Variants in SPOCK1 observed in about 807,000 individuals in gnomAD.
SPOCK1 encodes testican-1.
Under a neutral mutation model 55.3 loss-of-function variants are expected in SPOCK1, and 23 were observed. The ratio of observed to expected loss-of-function variants is 0.42; its 90% CI spans 0.30 to 0.59. The LOEUF is 0.59. SPOCK1 is among the 20% of genes least tolerant of loss of function. The probability of loss-of-function intolerance (pLI) is 0.22; values close to 1 mark genes in which losing one functional copy is unlikely to be tolerated. For missense variants in SPOCK1, 499 were observed against 552.5 expected (o/e 0.90, Z 0.97); for synonymous variants, 226 against 221.0 (o/e 1.02, Z -0.20).
At chr5:137,018,993 A>G (rs916244757) in intron 6 of SPOCK1, among the ~76,000 whole-genome samples, 5 of 152,128 alleles carry the variant, frequency 3.3e-5, no homozygotes, top group Admixed American at 1.3e-4. Flanking sequence ...GCCAATAAAT[A>G]CACACACATA....
chr5:137,469,559 T>C (rs996343204), intron 2 of SPOCK1, among the ~76,000 whole-genome samples: 7 of 152,198 alleles, frequency 4.6e-5, no homozygotes, highest in Non-Finnish European at 8.8e-5. Context: ...TAAATAGGTT[T>C]CTTTAACTAT....
At chr5:137,471,834 G>C (rs896363605) in intron 2 of SPOCK1, among the ~76,000 whole-genome samples, 1 of 152,112 alleles carries the variant, frequency 6.6e-6, no homozygotes, top group Non-Finnish European at 1.5e-5. Context: ...AGGGAAATAA[G>C]AGGCTGAGAA....
chr5:137,374,671 C>T (rs535114951), intron 2 of SPOCK1, among the ~76,000 whole-genome samples: 1 of 152,286 alleles, frequency 6.6e-6, no homozygotes, highest in East Asian at 1.9e-4. Flanking sequence ...GTGATGACAG[C>T]GGCGCTCACC....
intron 9 of SPOCK1, among the ~76,000 whole-genome samples, chr5:136,980,185 A>AAG (rs980335292): frequency 2.7e-5 from 4 of 148,826 alleles, no homozygotes; most frequent in African/African-American, 9.8e-5. Context: ...TGCAGGCAAA[A>AAG]AAAAAAAAAA....
At chr5:137,460,243 CT>C (rs1753453659) in intron 2 of SPOCK1, among the ~76,000 whole-genome samples, 1 of 152,110 alleles carries the variant, frequency 6.6e-6, no homozygotes, top group Non-Finnish European at 1.5e-5. Context: ...CTCAAGAAGT[CT>C]GGGAGATCTG....
chr5:137,260,931 T>G (rs180697048), intron 3 of SPOCK1, among the ~76,000 whole-genome samples: 1 of 152,146 alleles, frequency 6.6e-6, no homozygotes, highest in African/African-American at 2.4e-5. Flanking sequence ...GTGAATAAGA[T>G]GAGTAGTTGC....
intron 6 of SPOCK1, among the ~76,000 whole-genome samples, chr5:137,010,707 T>C (rs1335689568): frequency 6.6e-6 from 1 of 152,120 alleles, no homozygotes; most frequent in Non-Finnish European, 1.5e-5. Flanking sequence ...TGCTGACTAA[T>C]TTATGAAAAA....
intron 2 of SPOCK1, among the ~76,000 whole-genome samples, chr5:137,368,357 G>A (rs1205460712): frequency 6.6e-6 from 1 of 152,178 alleles, no homozygotes; most frequent in Non-Finnish European, 1.5e-5. Flanking sequence ...ACACAGAAAG[G>A]GAGCACAGGG....
chr5:137,444,801 T>G (rs10434788), intron 2 of SPOCK1, among the ~76,000 whole-genome samples: 62,963 of 152,070 alleles, frequency 0.41, 13,931 homozygotes, highest in East Asian at 0.64. Context: ...CCCTAAGGAC[T>G]GGAAAATCAC....
At chr5:137,079,168 C>G (rs1752829348) in intron 5 of SPOCK1, among the ~76,000 whole-genome samples, 1 of 152,244 alleles carries the variant, frequency 6.6e-6, no homozygotes, top group African/African-American at 2.4e-5. Context: ...CACTCTGTCT[C>G]TTGCCCTGTA....
intron 3 of SPOCK1, among the ~76,000 whole-genome samples, chr5:137,157,749 T>G (rs1285005634): frequency 2.0e-5 from 3 of 152,152 alleles, no homozygotes; most frequent in African/African-American, 7.2e-5. Flanking sequence ...CTGGGAACAG[T>G]TTTTAGATGG....
At position 137,479,687 on chromosome 5, in the gene SPOCK1, G is replaced by A. The variant is rs1266636729; in HGVS notation, c.186+18686C>T. ...GAGATGGAGCCTTCATCAGCCTGGT[G>A]TCCTGGGACAACGCAGATCAGAGCC... On this transcript the variant is annotated intron_variant, in intron 2 of 10. Coordinates refer to ENST00000394945, the MANE Select transcript of SPOCK1 (RefSeq NM_004598.4). Among the ~76,000 whole-genome samples the A allele has an allele frequency of 4.6e-5, 7 of 152,362 alleles. No homozygotes were observed. The South Asian group carries it at 1.5e-3, about 32-fold the overall frequency.
chr5:137,360,817 T>G (rs979441213), intron 2 of SPOCK1, among the ~76,000 whole-genome samples: 9 of 152,346 alleles, frequency 5.9e-5, no homozygotes, highest in African/African-American at 2.2e-4. Flanking sequence ...GGGACTGGCT[T>G]CCTCTGGGAA....
chr5:137,409,020 C>T (rs528788849), intron 2 of SPOCK1, among the ~76,000 whole-genome samples: 1 of 152,154 alleles, frequency 6.6e-6, no homozygotes, highest in Non-Finnish European at 1.5e-5. Flanking sequence ...CTTCCCCAAA[C>T]ACACATTTTA....
intron 2 of SPOCK1, among the ~76,000 whole-genome samples, chr5:137,299,672 G>C (rs7734782): frequency 0.012 from 1,821 of 151,980 alleles, 40 homozygotes; most frequent in African/African-American, 0.041. Flanking sequence ...TTTAAGAGTT[G>C]ACAGGTTTTA....
chr5:137,435,266 A>T (rs1752836464), intron 2 of SPOCK1, among the ~76,000 whole-genome samples: 1 of 152,232 alleles, frequency 6.6e-6, no homozygotes, highest in Non-Finnish European at 1.5e-5. Flanking sequence ...TTAATTCCTT[A>T]AGAGAATTCT....
intron 4 of SPOCK1, among the ~76,000 whole-genome samples, chr5:137,136,087 A>G (rs72794511): frequency 8.5e-4 from 130 of 152,338 alleles, no homozygotes; most frequent in Non-Finnish European, 1.1e-3. Context: ...TTAGAAGACC[A>G]GTGATGAAGT....
chr5:137,120,462 T>G (rs1753665338), intron 4 of SPOCK1, among the ~76,000 whole-genome samples: 1 of 152,196 alleles, frequency 6.6e-6, no homozygotes, highest in South Asian at 2.1e-4. Context: ...AACTTGGGAC[T>G]CCACGATGTA....
chr5:137,067,941 GAGAGGTCGACCTCAGGT>G, intron 5 of SPOCK1, 112 bp from the exon 6 acceptor site: 1 of 816,250 alleles, frequency 1.2e-6, no homozygotes, highest in Non-Finnish European at 2.0e-6. Flanking sequence ...ACAAAGCAGG[GAGAGGTCGACCTCAGGT>G]AGAGGTCTCA....
Sources: allele counts gnomAD v4.1 joint callset (sites outside exome capture counted in the v4.1 genomes callset), GRCh38; gene constraint gnomAD v4.1.1; transcripts MANE v1.5; gene names NCBI Gene and HGNC (gene_info 2026-07-23, HGNC 2026-07-21).